CCNY: variants seen among roughly 807,000 people sequenced by gnomAD.
CCNY encodes the protein cyclin-Y.
In CCNY, 19 loss-of-function variants were observed where a neutral mutation model predicts 42.8. The ratio of observed to expected loss-of-function variants is 0.44; its 90% CI spans 0.31 to 0.65. CCNY has a LOEUF of 0.65. Ranked by LOEUF, CCNY falls within the 30% of genes least tolerant of loss-of-function variation. The pLI, the probability that CCNY is intolerant of heterozygous loss-of-function variation, is 0.07. For missense variants in CCNY, 370 were observed against 437.3 expected, an observed-to-expected ratio of 0.85 and a Z score of 1.37; for synonymous variants, 165 against 162.7, an observed-to-expected ratio of 1.01 and a Z score of -0.11.
At position 35,336,623 on chromosome 10, in the gene CCNY, G is replaced by A. The variant is rs569157234; in HGVS notation, c.-431G>A. ...GTCCGGCGCGGACACGCGTGCCCCC[G>A]GCTTGAACCGGAACCTCTTGCCGAG... On this transcript the variant is annotated 5_prime_UTR_variant, in exon 1 of 10. Coordinates refer to ENST00000374704, the MANE Select transcript of CCNY (RefSeq NM_145012.6). Among the ~76,000 whole-genome samples, 65 of 148,376 alleles carry A rather than the reference G, an allele frequency of 4.4e-4. No individual in the cohort carries two copies. The highest frequency in any genetic ancestry group is 2.7e-3 in the Admixed American group (41 of 14,952).
intron 1 of CCNY, among the ~76,000 whole-genome samples, chr10:35,472,160 C>T (rs982253541): frequency 8.5e-5 from 13 of 152,136 alleles, no homozygotes; most frequent in Non-Finnish European, 1.8e-4. Flanking sequence ...CTGCCCATTG[C>T]GCTAGTACCT....
intron 1 of CCNY, among the ~76,000 whole-genome samples, chr10:35,418,875 C>T (rs1812833377): frequency 6.6e-6 from 1 of 151,872 alleles, no homozygotes; most frequent in Non-Finnish European, 1.5e-5. Flanking sequence ...GGCTGGAGTG[C>T]AGTGGCGCTA....
chr10:35,321,705 T>C, intron 3 of CCNY, among the ~76,000 whole-genome samples: 1 of 152,186 alleles, frequency 6.6e-6, no homozygotes, highest in Non-Finnish European at 1.5e-5. Context: ...AGCAGGCACT[T>C]ACATAACTTA....
intron 3 of CCNY, among the ~76,000 whole-genome samples, chr10:35,303,227 C>T (rs1331528630): frequency 6.6e-6 from 1 of 151,812 alleles, no homozygotes; most frequent in African/African-American, 2.4e-5. Flanking sequence ...GTTGCCCAGG[C>T]TGGAGTGCAA....
At chr10:35,474,569 G>T (rs1839464023) in intron 1 of CCNY, among the ~76,000 whole-genome samples, 3 of 152,072 alleles carry the variant, frequency 2.0e-5, no homozygotes, top group Admixed American at 2.0e-4. Flanking sequence ...TACTCCAACA[G>T]ACCTGCAGCT....
At chr10:35,352,797 C>CT (rs1252499424) in intron 1 of CCNY, among the ~76,000 whole-genome samples, 2 of 152,124 alleles carry the variant, frequency 1.3e-5, no homozygotes, top group Non-Finnish European at 2.9e-5. Context: ...TGAGCGCTGC[C>CT]TGATTAGTGA....
chr10:35,448,989 A>G (rs1050821154), intron 1 of CCNY, among the ~76,000 whole-genome samples: 1 of 151,880 alleles, frequency 6.6e-6, no homozygotes, highest in African/African-American at 2.4e-5. Flanking sequence ...GCGAGGGTGG[A>G]GGATGAGTGC....
intron 1 of CCNY, among the ~76,000 whole-genome samples, chr10:35,453,769 A>G (rs113718642): frequency 4.6e-5 from 7 of 152,312 alleles, no homozygotes; most frequent in Admixed American, 1.3e-4. Flanking sequence ...TAGCTGGGCA[A>G]TATTTCTAGT....
At chr10:35,469,434 A>G (rs1361418492) in intron 1 of CCNY, among the ~76,000 whole-genome samples, 1 of 152,246 alleles carries the variant, frequency 6.6e-6, no homozygotes, top group Non-Finnish European at 1.5e-5. Flanking sequence ...TAGAAATAGG[A>G]CAGCAGAGAG....
chr10:35,346,133 A>G (rs994189742), intron 1 of CCNY, among the ~76,000 whole-genome samples: 1 of 152,228 alleles, frequency 6.6e-6, no homozygotes, highest in African/African-American at 2.4e-5. Flanking sequence ...GCTTTTTAAT[A>G]AAGGGTAGTT....
At chr10:35,491,900 G>A (rs992967005) in intron 2 of CCNY, among the ~76,000 whole-genome samples, 6 of 151,702 alleles carry the variant, frequency 4.0e-5, no homozygotes, top group Middle Eastern at 3.2e-3. Flanking sequence ...AGGTGTGAGC[G>A]ACCACGCCCG....
chr10:35,283,077 T>C (rs1034702664), intron 3 of CCNY, among the ~76,000 whole-genome samples: 11 of 152,210 alleles, frequency 7.2e-5, no homozygotes, highest in African/African-American at 2.4e-4. Flanking sequence ...GTAGCATTAA[T>C]GAAGGCAGTG....
chr10:35,521,187 G>T (rs1379583695), intron 4 of CCNY, among the ~76,000 whole-genome samples: 2 of 152,214 alleles, frequency 1.3e-5, no homozygotes, highest in Non-Finnish European at 2.9e-5. Context: ...CAGCTATGTG[G>T]CAAAAGCTGC....
chr10:35,541,724 A>G (rs910341855), intron 7 of CCNY, among the ~76,000 whole-genome samples: 1 of 151,944 alleles, frequency 6.6e-6, no homozygotes, highest in African/African-American at 2.4e-5. Context: ...ACTGAAGTTC[A>G]TTTTTACTCC....
chr10:35,295,606 C>A (rs192874976), intron 3 of CCNY, among the ~76,000 whole-genome samples: 350 of 152,234 alleles, frequency 2.3e-3, no homozygotes, highest in Non-Finnish European at 4.2e-3. Context: ...CCCCTGATAA[C>A]CTCTATTCTA....
intron 1 of CCNY, among the ~76,000 whole-genome samples, chr10:35,446,147 T>C (rs1838785263): frequency 6.6e-6 from 1 of 152,234 alleles, no homozygotes; most frequent in Non-Finnish European, 1.5e-5. Context: ...ATATAATTGT[T>C]CTTTCAGATT....
chr10:35,275,532 G>A (rs1390870606), intron 3 of CCNY, among the ~76,000 whole-genome samples: 1 of 151,556 alleles, frequency 6.6e-6, no homozygotes, highest in Admixed American at 6.6e-5. Flanking sequence ...GGGAGGCCGA[G>A]GCAGGCTGAT....
At chr10:35,401,019 C>T (rs1441196838) in intron 1 of CCNY, among the ~76,000 whole-genome samples, 1 of 152,210 alleles carries the variant, frequency 6.6e-6, no homozygotes, top group Admixed American at 6.5e-5. Context: ...ACTGAAGTAA[C>T]TGTGCTCTGA....
chr10:35,555,188 A>T (rs549700608), intron 8 of CCNY, among the ~76,000 whole-genome samples: 1 of 152,322 alleles, frequency 6.6e-6, no homozygotes, highest in East Asian at 1.9e-4. Context: ...CCAACAAAAT[A>T]ACCAAGTGGG....
Sources: allele counts gnomAD v4.1 joint callset (sites outside exome capture counted in the v4.1 genomes callset), GRCh38; gene constraint gnomAD v4.1.1; transcripts MANE v1.5; gene names NCBI Gene and HGNC (gene_info 2026-07-23, HGNC 2026-07-21).